Variants in NAALADL2 observed in about 807,000 individuals in gnomAD.
The protein encoded by NAALADL2 is N-acetylated alpha-linked acidic dipeptidase like 2.
In NAALADL2, 76 loss-of-function variants were observed where a neutral mutation model predicts 87.2. That is an observed-to-expected ratio of 0.87 (90% confidence interval 0.72 to 1.05). The LOEUF is 1.05. Ranked by LOEUF, NAALADL2 falls within the 50% of genes least tolerant of loss-of-function variation. The pLI is 0.00. For synonymous variants in NAALADL2, 354 were observed against 331.0 expected, an observed-to-expected ratio of 1.07 and a Z score of -0.75; for missense variants, 1,089 against 945.8, an observed-to-expected ratio of 1.15 and a Z score of -1.99.
chr3:174,520,532 G>A (rs949304979), intron 1 of NAALADL2, among the ~76,000 whole-genome samples: 2 of 151,990 alleles, frequency 1.3e-5, no homozygotes, highest in Non-Finnish European at 2.9e-5. Flanking sequence ...AACTGAACCC[G>A]TATCTCTCAC....
intron 1 of NAALADL2, among the ~76,000 whole-genome samples, chr3:175,077,604 T>G (rs2109204456): frequency 6.6e-6 from 1 of 152,268 alleles, no homozygotes; most frequent in Non-Finnish European, 1.5e-5. Flanking sequence ...TATTTACCAT[T>G]CCATTAGCAT....
chr3:174,710,025 G>A (rs1043475120), intron 2 of NAALADL2, among the ~76,000 whole-genome samples: 5 of 152,172 alleles, frequency 3.3e-5, no homozygotes, highest in African/African-American at 4.8e-5. Context: ...TGAAGTGAAT[G>A]TATTGGCTTA....
chr3:175,788,626 T>A (rs111523151), intron 13 of NAALADL2, among the ~76,000 whole-genome samples: 4,703 of 152,262 alleles, frequency 0.031, 93 homozygotes, highest in South Asian at 0.061. Context: ...TGCACAATAA[T>A]GAAATCATAT....
intron 1 of NAALADL2, among the ~76,000 whole-genome samples, chr3:174,531,943 C>T (rs1721273690): frequency 6.6e-6 from 1 of 151,988 alleles, no homozygotes; most frequent in South Asian, 2.1e-4. Flanking sequence ...ATATTAAAGT[C>T]CTCATAAAAA....
At chr3:174,969,300 T>G (rs1743293307) in intron 1 of NAALADL2, among the ~76,000 whole-genome samples, 2 of 152,196 alleles carry the variant, frequency 1.3e-5, no homozygotes, top group African/African-American at 4.8e-5. Context: ...TAGCGTACTT[T>G]CCTGTTATAC....
intron 2 of NAALADL2, among the ~76,000 whole-genome samples, chr3:174,713,882 A>G (rs1267599971): frequency 6.6e-6 from 1 of 152,002 alleles, no homozygotes; most frequent in Non-Finnish European, 1.5e-5. Flanking sequence ...GCCCATGCCT[A>G]TGTCCTGAAT....
At chr3:174,895,437 G>A (rs1323361583) in intron 1 of NAALADL2, among the ~76,000 whole-genome samples, 1 of 152,016 alleles carries the variant, frequency 6.6e-6, no homozygotes, top group Non-Finnish European at 1.5e-5. Context: ...AGCAGAAACT[G>A]ACAAATTACT....
At chr3:175,079,218 T>C (rs1029682832) in intron 1 of NAALADL2, 8 of 152,218 alleles carry the variant, frequency 5.3e-5, no homozygotes, top group African/African-American at 1.9e-4. Flanking sequence ...ATTAGCCATT[T>C]GTATATCTTC....
intron 13 of NAALADL2, among the ~76,000 whole-genome samples, chr3:175,792,636 T>C (rs765061694): frequency 2.0e-5 from 3 of 152,220 alleles, no homozygotes; most frequent in Non-Finnish European, 4.4e-5. Flanking sequence ...GTGTTTTTCA[T>C]AACTACAGTA....
intron 2 of NAALADL2, among the ~76,000 whole-genome samples, chr3:174,721,787 C>T (rs1023070690): frequency 3.3e-5 from 5 of 152,116 alleles, no homozygotes; most frequent in African/African-American, 1.2e-4. Context: ...ACGTGGAGCA[C>T]CAGCTGGAGT....
chr3:175,167,387 A>AG lies in NAALADL2; in HGVS notation c.546-66544_546-66543insG, dbSNP rs1734155429. Among the ~76,000 whole-genome samples, 3 of 152,078 alleles carry AG rather than the reference A, an allele frequency of 2.0e-5. No homozygotes were observed. The East Asian group carries it at 5.8e-4, about 29-fold the overall frequency. On this transcript the variant is annotated intron_variant, in intron 2 of 13. Coordinates refer to ENST00000454872, the MANE Select transcript of NAALADL2 (RefSeq NM_207015.3). ...GACTTCTGACTACATATAAAAGAAA[A>AG]TCCAAATGTGTGGCTTCCAAAGCAA...
At chr3:175,303,712 G>T (rs1757358340) in intron 4 of NAALADL2, among the ~76,000 whole-genome samples, 1 of 152,134 alleles carries the variant, frequency 6.6e-6, no homozygotes, top group African/African-American at 2.4e-5. Context: ...CATACTACCA[G>T]AGAAACTAAA....
At chr3:175,415,097 G>A (rs1394960009) in intron 5 of NAALADL2, among the ~76,000 whole-genome samples, 1 of 151,918 alleles carries the variant, frequency 6.6e-6, no homozygotes, top group Non-Finnish European at 1.5e-5. Flanking sequence ...AAGCCTAATT[G>A]CCCTCATTTA....
At chr3:175,672,732 T>A (rs1279726030) in intron 11 of NAALADL2, among the ~76,000 whole-genome samples, 4 of 152,156 alleles carry the variant, frequency 2.6e-5, no homozygotes, top group Non-Finnish European at 5.9e-5. Flanking sequence ...ATCCTTAAGG[T>A]GCAAGAAAGA....
At chr3:175,679,936 A>T (rs1294850420) in intron 11 of NAALADL2, among the ~76,000 whole-genome samples, 1 of 152,128 alleles carries the variant, frequency 6.6e-6, no homozygotes, top group Non-Finnish European at 1.5e-5. Flanking sequence ...CTTGATAGGA[A>T]AAAGAAGGTG....
At chr3:174,516,166 A>G (rs771611105) in intron 1 of NAALADL2, among the ~76,000 whole-genome samples, 2 of 152,036 alleles carry the variant, frequency 1.3e-5, no homozygotes, top group African/African-American at 2.4e-5. Flanking sequence ...GTGTTCCCAG[A>G]GCAAGCACTT....
At chr3:175,453,932 A>G (rs1270015041) in intron 6 of NAALADL2, among the ~76,000 whole-genome samples, 1 of 152,100 alleles carries the variant, frequency 6.6e-6, no homozygotes, top group Non-Finnish European at 1.5e-5. Flanking sequence ...CAAATATATC[A>G]TACCTTCCGG....
At chr3:174,847,295 G>A (rs1724732700) in intron 3 of NAALADL2, among the ~76,000 whole-genome samples, 1 of 151,956 alleles carries the variant, frequency 6.6e-6, no homozygotes, top group African/African-American at 2.4e-5. Context: ...CCCCAACCTG[G>A]GATTTCTTGG....
At chr3:175,555,030 G>C (rs1284994613) in intron 9 of NAALADL2, among the ~76,000 whole-genome samples, 1 of 152,114 alleles carries the variant, frequency 6.6e-6, no homozygotes, top group Non-Finnish European at 1.5e-5. Flanking sequence ...TTGGCATAAA[G>C]CTAGTCACTT....
Sources: gnomAD v4.1 joint callset for allele counts (sites outside exome capture counted in the v4.1 genomes callset) on GRCh38, gnomAD v4.1.1 for gene constraint, MANE v1.5 for transcripts, NCBI Gene and HGNC (gene_info 2026-07-23, HGNC 2026-07-21) for gene names.